TTBK2: variants seen among roughly 807,000 people sequenced by gnomAD.
TTBK2 encodes the protein tau tubulin kinase 2.
In TTBK2, 28 loss-of-function variants were observed where a neutral mutation model predicts 110.8. The observed-to-expected ratio is 0.25, with a 90% CI of 0.19 to 0.35. The LOEUF (loss-of-function observed/expected upper bound fraction) is 0.35, where lower values mean the gene tolerates loss of function less well. Ranked by LOEUF, TTBK2 falls within the 10% of genes least tolerant of loss-of-function variation. The probability of loss-of-function intolerance (pLI) is 1.00; values close to 1 mark genes in which losing one functional copy is unlikely to be tolerated. For missense variants in TTBK2, 1,369 were observed against 1,500.3 expected (o/e 0.91, Z 1.45); for synonymous variants, 532 against 527.3 (o/e 1.01, Z -0.12).
chr15:42,884,052 G>A (rs1437695668), intron 1 of TTBK2, among the ~76,000 whole-genome samples: 1 of 152,046 alleles, frequency 6.6e-6, no homozygotes, highest in Non-Finnish European at 1.5e-5. Context: ...CCATGGAAGA[G>A]CCAATTTACA....
intron 7 of TTBK2, among the ~76,000 whole-genome samples, chr15:42,813,231 G>A (rs1460831259): frequency 6.6e-6 from 1 of 152,144 alleles, no homozygotes; most frequent in African/African-American, 2.4e-5. Context: ...CAAATAAAAA[G>A]GACAAATTGG....
chr15:42,812,178 G>A (rs1354166611), intron 7 of TTBK2, among the ~76,000 whole-genome samples: 5 of 152,156 alleles, frequency 3.3e-5, no homozygotes, highest in Non-Finnish European at 1.5e-5. Flanking sequence ...CAACCAGGAA[G>A]GGGACAGGCA....
intron 4 of TTBK2, among the ~76,000 whole-genome samples, chr15:42,835,645 T>A (rs1437037043): frequency 6.6e-6 from 1 of 152,102 alleles, no homozygotes; most frequent in Non-Finnish European, 1.5e-5. Context: ...AAAAAATATT[T>A]ATTAAAGAGA....
chr15:42,806,576 T>G (rs78680538), intron 9 of TTBK2, among the ~76,000 whole-genome samples: 1,942 of 152,328 alleles, frequency 0.013, 39 homozygotes, highest in African/African-American at 0.044. Context: ...CCTTATTTAT[T>G]GTCTGACCAT....
intron 2 of TTBK2, among the ~76,000 whole-genome samples, chr15:42,876,823 C>T (rs1291422209): frequency 2.0e-5 from 3 of 152,068 alleles, no homozygotes; most frequent in African/African-American, 4.8e-5. Context: ...CATTGAAAGA[C>T]GATTAGGATC....
intron 2 of TTBK2, among the ~76,000 whole-genome samples, chr15:42,878,057 T>A (rs1298916782): frequency 1.3e-5 from 2 of 150,492 alleles, no homozygotes; most frequent in Non-Finnish European, 3.0e-5. Flanking sequence ...TGTACTTCCT[T>A]TTTTTTTCCC....
intron 4 of TTBK2, among the ~76,000 whole-genome samples, chr15:42,834,792 G>A (rs1051232138): frequency 1.3e-5 from 2 of 152,030 alleles, no homozygotes; most frequent in African/African-American, 2.4e-5. Flanking sequence ...CAGGAGAATC[G>A]CTAGAACCCA....
intron 4 of TTBK2, among the ~76,000 whole-genome samples, chr15:42,839,357 A>G (rs550153262): frequency 1.3e-5 from 2 of 152,204 alleles, no homozygotes; most frequent in African/African-American, 4.8e-5. Context: ...ATTGATGGGC[A>G]TGTAAGGTTA....
In TTBK2 at chr15:42,749,954, C is replaced by T. The variant is rs116814671; in HGVS notation, c.3272+2020G>A. On this transcript the variant is annotated intron_variant, in intron 14 of 14. Transcript: ENST00000267890. Reference sequence around the variant, plus strand: ...CAAACAAATTAGCTAGGTGTGCTGGCATGCACCTGTAGTTCCAGATACTCA... The same window carrying T: ...CAAACAAATTAGCTAGGTGTGCTGGTATGCACCTGTAGTTCCAGATACTCA... Among the ~76,000 whole-genome samples, 1,441 of 152,214 alleles carry T rather than the reference C, an allele frequency of 9.5e-3. 30 individuals carry two copies. The highest frequency in any genetic ancestry group is 0.034 in the African/African-American group (1,393 of 41,510).
At chr15:42,797,734 G>C (rs1168247185) in intron 9 of TTBK2, among the ~76,000 whole-genome samples, 1 of 151,948 alleles carries the variant, frequency 6.6e-6, no homozygotes, top group Non-Finnish European at 1.5e-5. Context: ...GAGTCAAATA[G>C]ATTTGAGAAT....
At position 42,801,613 on chromosome 15, in the gene TTBK2, G is replaced by A. The variant is rs763474779; in HGVS notation, c.823-6812C>T. 16 of 798,136 alleles carry A rather than the reference G, an allele frequency of 2.0e-5. No individual in the cohort carries two copies. In the East Asian group the frequency reaches 2.9e-4, roughly 15 times the overall value. The allele number at this position is 798,136 out of a possible 1,614,324, so 49.4% of individuals were successfully genotyped here. On this transcript the variant is annotated intron_variant, in intron 9 of 14. Transcript: ENST00000267890. ...CCTGGCTGCGGTTGGCAATCTCCTC[G>A]TACTGCACCTTGACCTCAGGGATGA...
chr15:42,904,724 A>C (rs1161349695), intron 1 of TTBK2, among the ~76,000 whole-genome samples: 1 of 152,222 alleles, frequency 6.6e-6, no homozygotes, highest in Non-Finnish European at 1.5e-5. Flanking sequence ...AAACACTGAC[A>C]ATCACCTAGA....
intron 1 of TTBK2, among the ~76,000 whole-genome samples, chr15:42,912,137 G>A (rs1218053620): frequency 1.3e-5 from 2 of 152,170 alleles, no homozygotes; most frequent in East Asian, 3.9e-4. Context: ...AGAATACATA[G>A]GCCTGAAAGG....
intron 1 of TTBK2, among the ~76,000 whole-genome samples, chr15:42,909,446 C>A (rs964197706): frequency 6.6e-6 from 1 of 152,160 alleles, no homozygotes; most frequent in African/African-American, 2.4e-5. Flanking sequence ...CTCTTATGAG[C>A]ACCCCCTTGT....
intron 1 of TTBK2, among the ~76,000 whole-genome samples, chr15:42,901,598 T>C (rs1001377910): frequency 5.8e-5 from 8 of 137,680 alleles, no homozygotes; most frequent in Non-Finnish European, 1.2e-4. Context: ...CTGGGCAAAA[T>C]AGCGAGACCT....
intron 6 of TTBK2, among the ~76,000 whole-genome samples, chr15:42,823,784 T>A (rs1334931696): frequency 6.6e-6 from 1 of 151,968 alleles, no homozygotes. Context: ...ATATTTTATG[T>A]GTGGCCCAAG....
rs541566517 is a variant in TTBK2 at position 42,806,817 on chromosome 15, A to ATT, written c.822+3795_822+3796dup. Among the ~76,000 whole-genome samples the ATT allele has an allele frequency of 8.3e-4, 119 of 144,044 alleles. 1 individual carries two copies. The highest frequency in any genetic ancestry group is 7.0e-3 in the Middle Eastern group (2 of 284). The allele number at this position is 144,044 out of a possible 152,430, so 94.5% of individuals were successfully genotyped here. ...TAAAACATTATGAGATTTTTTTGTGATTTTTTTTTTTTTTGGCTCATCAGC... is the reference window on the plus strand; with the variant it reads ...TAAAACATTATGAGATTTTTTTGTGATTTTTTTTTTTTTTTTGGCTCATCAGC... On this transcript the variant is annotated intron_variant, in intron 9 of 14. Coordinates refer to ENST00000267890, the MANE Select transcript of TTBK2 (RefSeq NM_173500.4).
At chr15:42,835,442 C>T (rs1001742304) in intron 4 of TTBK2, among the ~76,000 whole-genome samples, 2 of 152,088 alleles carry the variant, frequency 1.3e-5, no homozygotes, top group African/African-American at 4.8e-5. Flanking sequence ...GGGAAACAAC[C>T]AGCAAAATCC....
chr15:42,756,648 C>A (rs945227965), intron 13 of TTBK2, among the ~76,000 whole-genome samples: 5 of 152,040 alleles, frequency 3.3e-5, no homozygotes, highest in African/African-American at 1.2e-4. Flanking sequence ...GGGTTAATTT[C>A]TACAGTTCTG....
Sources: gnomAD v4.1 joint callset for allele counts (sites outside exome capture counted in the v4.1 genomes callset) on GRCh38, gnomAD v4.1.1 for gene constraint, MANE v1.5 for transcripts, NCBI Gene and HGNC (gene_info 2026-07-23, HGNC 2026-07-21) for gene names.